GALNTL6: variants seen among roughly 807,000 people sequenced by gnomAD.
GALNTL6 encodes polypeptide N-acetylgalactosaminyltransferase like 6.
GALNTL6 carries 46 observed loss-of-function variants against 73.7 expected under a neutral mutation model. The ratio of observed to expected loss-of-function variants is 0.62; its 90% CI spans 0.49 to 0.80. The LOEUF is 0.80. GALNTL6 is among the 30% of genes least tolerant of loss of function. The pLI is 0.00. For synonymous variants in GALNTL6, 259 were observed against 263.7 expected, an observed-to-expected ratio of 0.98 and a Z score of 0.17; for missense variants, 604 against 755.0, an observed-to-expected ratio of 0.80 and a Z score of 2.34.
chr4:172,283,690 G>A (rs963032780), intron 3 of GALNTL6, among the ~76,000 whole-genome samples: 6 of 152,078 alleles, frequency 3.9e-5, no homozygotes, highest in Admixed American at 3.9e-4. Context: ...ATATTAAAAA[G>A]AGGACAGACT....
chr4:172,868,969 T>C (rs982324762), intron 7 of GALNTL6, among the ~76,000 whole-genome samples: 2 of 152,182 alleles, frequency 1.3e-5, no homozygotes, highest in African/African-American at 4.8e-5. Context: ...CCATAATCTA[T>C]CAGGCTGACA....
intron 2 of GALNTL6, among the ~76,000 whole-genome samples, chr4:172,069,518 A>ATATGTATGACACATATATGT: frequency 2.4e-5 from 1 of 42,356 alleles, no homozygotes; most frequent in East Asian, 3.6e-4. Flanking sequence ...CATATATGTT[A>ATATGTATGACACATATATGT]TATGTATAAC....
chr4:171,930,070 A>G (rs948171731), intron 2 of GALNTL6, among the ~76,000 whole-genome samples: 1 of 152,208 alleles, frequency 6.6e-6, no homozygotes, highest in Non-Finnish European at 1.5e-5. Context: ...GAACATGCCT[A>G]ACAGCCAATG....
intron 5 of GALNTL6, among the ~76,000 whole-genome samples, chr4:172,717,454 G>C (rs193012330): frequency 1.1e-4 from 17 of 152,306 alleles, no homozygotes; most frequent in Non-Finnish European, 1.6e-4. Context: ...GCATATATTG[G>C]TGAAAATGAA....
chr4:171,990,505 T>C (rs2110735977), intron 2 of GALNTL6, among the ~76,000 whole-genome samples: 1 of 152,310 alleles, frequency 6.6e-6, no homozygotes, highest in South Asian at 2.1e-4. Flanking sequence ...TGTATTATTC[T>C]GATACTTTAT....
At chr4:172,380,288 G>A in intron 5 of GALNTL6, 6 of 765,838 alleles carry the variant, frequency 7.8e-6, no homozygotes, top group Non-Finnish European at 1.4e-5. Context: ...ACGCACTTTA[G>A]GGGCTGCCAT....
intron 2 of GALNTL6, among the ~76,000 whole-genome samples, chr4:172,130,738 A>G (rs1453675043): frequency 1.3e-5 from 2 of 152,144 alleles, no homozygotes; most frequent in East Asian, 1.9e-4. Context: ...CCGCAGTTTT[A>G]TAGAACAGAA....
At chr4:172,338,361 T>A (rs1741420868) in intron 4 of GALNTL6, among the ~76,000 whole-genome samples, 1 of 152,176 alleles carries the variant, frequency 6.6e-6, no homozygotes, top group East Asian at 1.9e-4. Flanking sequence ...AAAATTCTAA[T>A]GCTGGCTCCT....
In GALNTL6 at chr4:172,643,024, G is replaced by GA. The variant is rs568044852; in HGVS notation, c.554-166328dup. On this transcript the variant is annotated intron_variant, in intron 5 of 12. Transcript: ENST00000506823. Reference sequence around the variant, plus strand: ...TTTATGATACTATAGATCTTACTTAGAAAAAAAAATAGATATATAGAAACT... The same window carrying GA: ...TTTATGATACTATAGATCTTACTTAGAAAAAAAAAATAGATATATAGAAACT... 3.0e-4 allele frequency among the ~76,000 whole-genome samples: 45 copies of GA among 147,950 alleles called. No homozygotes were observed. In the South Asian group the frequency reaches 5.3e-3, roughly 17 times the overall value.
intron 3 of GALNTL6, among the ~76,000 whole-genome samples, chr4:172,271,525 A>G (rs1470843966): frequency 6.6e-6 from 1 of 152,128 alleles, no homozygotes. Context: ...TGTGTGTATA[A>G]ACTTCTGAGT....
intron 5 of GALNTL6, among the ~76,000 whole-genome samples, chr4:172,672,835 T>C (rs1732067258): frequency 6.6e-6 from 1 of 152,188 alleles, no homozygotes; most frequent in East Asian, 1.9e-4. Flanking sequence ...TATTCTCTGA[T>C]GGTTGTTTGT....
intron 5 of GALNTL6, among the ~76,000 whole-genome samples, chr4:172,528,319 A>AT (rs1735032318): frequency 1.9e-5 from 2 of 103,678 alleles, no homozygotes; most frequent in African/African-American, 9.7e-5. Context: ...CTAGAAATAA[A>AT]ATATATATAT....
At chr4:172,714,309 ACACAC>A (rs1560899438) in intron 5 of GALNTL6, among the ~76,000 whole-genome samples, 3 of 2,556 alleles carry the variant, frequency 1.2e-3, no homozygotes, top group African/African-American at 1.2e-3. Flanking sequence ...CACACCAAAC[ACACAC>A]ACACACACAC....
intron 12 of GALNTL6, among the ~76,000 whole-genome samples, chr4:173,036,740 C>A (rs1753712056): frequency 6.6e-6 from 1 of 152,172 alleles, no homozygotes; most frequent in Non-Finnish European, 1.5e-5. Context: ...GGACAAAGAA[C>A]AACCTAGTTA....
intron 2 of GALNTL6, among the ~76,000 whole-genome samples, chr4:171,989,770 TTGAGAA>T (rs1336353624): frequency 6.6e-6 from 1 of 152,222 alleles, no homozygotes; most frequent in Non-Finnish European, 1.5e-5. Flanking sequence ...AAAATGTATA[TTGAGAA>T]TAAGACGGCC....
At chr4:172,679,895 T>C (rs1408758286) in intron 5 of GALNTL6, among the ~76,000 whole-genome samples, 1 of 152,006 alleles carries the variant, frequency 6.6e-6, no homozygotes. Context: ...TATATTCTTT[T>C]CCAAGGTTTC....
At chr4:172,696,639 A>G (rs1406295545) in intron 5 of GALNTL6, among the ~76,000 whole-genome samples, 1 of 152,126 alleles carries the variant, frequency 6.6e-6, no homozygotes, top group African/African-American at 2.4e-5. Flanking sequence ...TCCCCTGCAT[A>G]CACTCTCTTG....
chr4:171,918,897 A>G (rs1477998920), intron 2 of GALNTL6, among the ~76,000 whole-genome samples: 1 of 152,136 alleles, frequency 6.6e-6, no homozygotes, highest in African/African-American at 2.4e-5. Flanking sequence ...CAGAAAGACA[A>G]TTACTGCATG....
At chr4:172,358,821 GA>G (rs1412210879) in intron 5 of GALNTL6, among the ~76,000 whole-genome samples, 2 of 81,666 alleles carry the variant, frequency 2.4e-5, no homozygotes, top group Non-Finnish European at 4.8e-5. Flanking sequence ...TTGACCTTTG[GA>G]AAAAATTCTA....
Sources: allele counts gnomAD v4.1 joint callset (sites outside exome capture counted in the v4.1 genomes callset), GRCh38; gene constraint gnomAD v4.1.1; transcripts MANE v1.5; gene names NCBI Gene and HGNC (gene_info 2026-07-23, HGNC 2026-07-21).